The following DNAH2 variants were observed in gnomAD, a reference collection of about 807,000 sequenced individuals.
DNAH2 encodes axonemal beta dynein heavy chain 2.
DNAH2 carries 323 observed loss-of-function variants against 523.5 expected under a neutral mutation model. The ratio of observed to expected loss-of-function variants is 0.62; its 90% CI spans 0.56 to 0.68. DNAH2 has a LOEUF of 0.68. Ranked by LOEUF, DNAH2 falls within the 30% of genes least tolerant of loss-of-function variation. The probability of loss-of-function intolerance (pLI) is 0.00; values close to 1 mark genes in which losing one functional copy is unlikely to be tolerated. For synonymous variants in DNAH2, 2,093 were observed against 2,177.4 expected (o/e 0.96, Z 1.08); for missense variants, 4,907 against 5,701.5 (o/e 0.86, Z 4.49).
At chr17:7,743,333 C>T in intron 12 of DNAH2, 191 bp downstream of exon 12, 1 of 725,122 alleles carries the variant, frequency 1.4e-6, no homozygotes, top group East Asian at 2.7e-5. Context: ...CTGCTATCAA[C>T]ATTTTAATTT....
At chr17:7,738,717 C>T (rs62062613) in intron 8 of DNAH2, among the ~76,000 whole-genome samples, 14,984 of 152,106 alleles carry the variant, frequency 0.099, 877 homozygotes, top group Non-Finnish European at 0.12. Context: ...GTCTAAAATT[C>T]TATTATGTAT....
intron 72 of DNAH2, among the ~76,000 whole-genome samples, chr17:7,820,205 G>A (rs2077815978): frequency 6.6e-6 from 1 of 152,120 alleles, no homozygotes; most frequent in Non-Finnish European, 1.5e-5. Flanking sequence ...TCTTCCCACT[G>A]CTTGGCTGTA....
intron 18 of DNAH2, among the ~76,000 whole-genome samples, chr17:7,763,209 A>C (rs1243757002): frequency 6.6e-6 from 1 of 152,064 alleles, no homozygotes; most frequent in East Asian, 1.9e-4. Flanking sequence ...CCCAGGCTGG[A>C]GTGCAGTGGC....
chr17:7,831,863 T>G lies in DNAH2; in HGVS notation c.12726+88T>G. ...CCAATCTCCTGGTTCTAGGTGGGCA[T>G]AAAGCAAACTGCAGAGAGCCGAAAC... is the stretch of plus-strand genomic sequence containing the variant. On this transcript the variant is annotated intron_variant, in intron 82 of 85. Coordinates refer to ENST00000572933, the MANE Select transcript of DNAH2 (RefSeq NM_020877.5). The surrounding 1 kb of genome is among the most constrained non-coding windows in gnomAD (Gnocchi z 4.2). The G allele has an allele frequency of 8.3e-7, 1 of 1,211,200 alleles. No homozygotes were observed. Among genetic ancestry groups the G allele is most frequent in the Non-Finnish European group, 1.2e-6 (1 of 860,306 alleles). The allele number at this position is 1,211,200 out of a possible 1,614,324, so 75.0% of individuals were successfully genotyped here.
At position 7,733,190 on chromosome 17, in the gene DNAH2, T is replaced by TG; in HGVS notation, c.503_504insG (p.Ile168MetfsTer24). ...TTTGGGACGGTGCGGGGCCCCTATA[T>TG]CCCGGCCCTGCTTCGGCTGCTCGGT... On this transcript the variant is annotated frameshift_variant, in exon 5 of 86. Transcript: ENST00000572933. LOFTEE classifies it high-confidence loss of function. 6.2e-7 allele frequency: 1 copy of TG among 1,614,136 alleles called. No individual in the cohort carries two copies.
intron 20 of DNAH2, among the ~76,000 whole-genome samples, chr17:7,764,782 CTTTTT>C (rs59188289): frequency 2.0e-5 from 1 of 49,504 alleles, no homozygotes; most frequent in African/African-American, 9.0e-5. Context: ...ACTGTATTTA[CTTTTT>C]TTTTTTTTTT....
intron 11 of DNAH2, 47 bp from the exon 12 acceptor site, chr17:7,742,874 CCCCTGGA>C: frequency 2.3e-6 from 3 of 1,277,850 alleles, no homozygotes; most frequent in South Asian, 5.3e-5. Flanking sequence ...GAGATGGTGG[CCCCTGGA>C]GGAAGGTGGC....
At chr17:7,774,064 T>G (rs1197748706) in intron 28 of DNAH2, among the ~76,000 whole-genome samples, 2 of 151,980 alleles carry the variant, frequency 1.3e-5, no homozygotes, top group Non-Finnish European at 2.9e-5. Context: ...CTCAGCAAAC[T>G]CAGTTGAGAA....
chr17:7,815,382 T>G (rs921555195), intron 63 of DNAH2, among the ~76,000 whole-genome samples: 2 of 152,246 alleles, frequency 1.3e-5, no homozygotes, highest in African/African-American at 4.8e-5. Flanking sequence ...AAAGGGAACA[T>G]GTATCGTGTA....
chr17:7,757,159 T>TGGTGAAC lies in DNAH2; in HGVS notation c.1975_1981dup (p.Val661GlyfsTer5), dbSNP rs772648824. The TGGTGAAC allele has an allele frequency of 6.2e-7, 1 of 1,614,194 alleles. No homozygotes were observed. The highest frequency in any genetic ancestry group is 1.1e-5 in the South Asian group (1 of 91,084). On this transcript the variant is annotated frameshift_variant, in exon 13 of 86. Coordinates refer to ENST00000572933, the MANE Select transcript of DNAH2 (RefSeq NM_020877.5). LOFTEE classifies it high-confidence loss of function. Reference sequence around the variant, plus strand: ...CTGCTGTTTGAGACGCCCCATTACGTGGTGAACGTAGCTGAGCGAGCCGAG... The same window carrying TGGTGAAC: ...CTGCTGTTTGAGACGCCCCATTACGTGGTGAACGGTGAACGTAGCTGAGCGAGCCGAG...
At chr17:7,757,365 A>G (rs2075873967) in intron 13 of DNAH2, 128 bp downstream of exon 13, 2 of 1,289,142 alleles carry the variant, frequency 1.6e-6, no homozygotes, top group Admixed American at 5.1e-5. Context: ...TCTCAAAAAA[A>G]AAAAATTGTC....
intron 14 of DNAH2, 94 bp downstream of exon 14, chr17:7,758,745 G>T (rs949385193): frequency 1.3e-4 from 209 of 1,558,970 alleles, no homozygotes; most frequent in Non-Finnish European, 1.6e-4. Context: ...TGGGGGTAGT[G>T]TAAAAAGAAT....
rs1333059694 is a variant in DNAH2, at chr17:7,818,299, T to C, written c.10388-13T>C. ...ACATGGAGTCCTTGCCCCTGACCCT[T>C]CCGTGGATGCAGGTGGTCGGCTGTT... On this transcript the variant is annotated splice_polypyrimidine_tract_variant and intron_variant, in intron 68 of 85. Transcript: ENST00000572933. 13 of 1,613,582 alleles carry C rather than the reference T, an allele frequency of 8.1e-6. No homozygotes were observed. The highest frequency in any genetic ancestry group is 2.7e-5 in the African/African-American group (2 of 74,908).
intron 39 of DNAH2, among the ~76,000 whole-genome samples, chr17:7,782,588 A>G (rs972978189): frequency 8.5e-5 from 13 of 152,176 alleles, no homozygotes; most frequent in Non-Finnish European, 1.5e-4. Context: ...ATCACAAAAC[A>G]CACAAGGAAA....
At position 7,792,645 on chromosome 17, in the gene DNAH2, G is replaced by C; in HGVS notation, c.7146-12G>C. The stretch of plus-strand genomic sequence containing the variant: ...GGCTGGTCCTTGAGAGCCGGCCCCT[G>C]CTCTTCCCTAGCGCCCCCTTCTATA... On this transcript the variant is annotated splice_polypyrimidine_tract_variant and intron_variant, in intron 46 of 85. Transcript: ENST00000572933. The C allele has an allele frequency of 6.2e-7, 1 of 1,611,916 alleles. No homozygotes were observed. The highest frequency in any genetic ancestry group is 8.5e-7 in the Non-Finnish European group (1 of 1,178,640).
In DNAH2 at chr17:7,757,708, C is replaced by T. The variant is rs147066120; in HGVS notation, c.2051+471C>T. Among the ~76,000 whole-genome samples the T allele has an allele frequency of 1.5e-3, 235 of 152,164 alleles. 8 individuals carry two copies. In the East Asian group the frequency reaches 0.034, roughly 22 times the overall value. On this transcript the variant is annotated intron_variant, in intron 13 of 85. Transcript: ENST00000572933. ...GCTTCTATAACAAAATGCCATAGAC[C>T]GGGTGGCTTATAAACAACAAACATT...
At chr17:7,791,887 G>T in intron 44 of DNAH2, 30 bp from the exon 45 acceptor site, 2 of 1,605,482 alleles carry the variant, frequency 1.2e-6, no homozygotes, top group Non-Finnish European at 1.7e-6. Context: ...CTTACAGGTG[G>T]GTTATTTCCT....
intron 63 of DNAH2, among the ~76,000 whole-genome samples, chr17:7,808,673 A>G: frequency 6.6e-6 from 1 of 152,084 alleles, no homozygotes; most frequent in Non-Finnish European, 1.5e-5. Flanking sequence ...GCAGTGGCGC[A>G]ATCTCAGCTC....
intron 11 of DNAH2, among the ~76,000 whole-genome samples, chr17:7,741,814 C>T (rs1333658684): frequency 6.6e-6 from 1 of 151,802 alleles, no homozygotes; most frequent in Non-Finnish European, 1.5e-5. Flanking sequence ...CAGGCATGCA[C>T]CACCACGCCC....
Sources: allele counts gnomAD v4.1 joint callset (sites outside exome capture counted in the v4.1 genomes callset), GRCh38; gene constraint gnomAD v4.1.1; non-coding constraint Gnocchi (gnomAD v3.1); transcripts MANE v1.5; gene names NCBI Gene and HGNC (gene_info 2026-07-23, HGNC 2026-07-21).